The following IL1RAPL1 variants were observed in gnomAD, a reference collection of about 807,000 sequenced individuals.
IL1RAPL1 encodes the protein interleukin-1 receptor accessory protein-like 1.
In IL1RAPL1, 3 loss-of-function variants were observed where a neutral mutation model predicts 48.4. That is an observed-to-expected ratio of 0.06 (90% confidence interval 0.03 to 0.16). IL1RAPL1 has a LOEUF of 0.16. Among genes scored for constraint, IL1RAPL1 ranks in the 10% least tolerant of loss-of-function variants. IL1RAPL1 has a pLI of 1.00. For missense variants in IL1RAPL1, 349 were observed against 530.6 expected (o/e 0.66, Z 3.36); for synonymous variants, 185 against 187.7 (o/e 0.99, Z 0.12).
intron 2 of IL1RAPL1, among the ~76,000 whole-genome samples, chrX:29,174,661 G>A (rs1036836171): frequency 8.4e-5 from 7 of 83,018 alleles, no homozygotes; most frequent in African/African-American, 2.7e-4. Flanking sequence ...TGCTATTCCA[G>A]TAAAGTACAG....
chrX:29,910,257 C>T (rs1055016825), intron 6 of IL1RAPL1, among the ~76,000 whole-genome samples: 3 of 110,241 alleles, frequency 2.7e-5, no homozygotes, highest in African/African-American at 9.9e-5. Flanking sequence ...AGGCTGAGAA[C>T]GGAAAAACTA....
At chrX:29,373,898 C>T (rs865800277) in intron 3 of IL1RAPL1, among the ~76,000 whole-genome samples, 4 of 9,932 alleles carry the variant, frequency 4.0e-4, no homozygotes, top group Admixed American at 1.2e-3. Flanking sequence ...TTTTTTGTGA[C>T]GAGGTCTCTT....
In IL1RAPL1 at chrX:29,919,439, T is replaced by A. The variant is rs149036577; in HGVS notation, c.912-510T>A. Among the ~76,000 whole-genome samples the A allele has an allele frequency of 3.4e-4, 38 of 112,400 alleles. No individual in the cohort carries two copies. In the East Asian group the frequency reaches 0.01, roughly 30 times the overall value. On this transcript the variant is annotated intron_variant, in intron 7 of 10. Coordinates refer to ENST00000378993, the MANE Select transcript of IL1RAPL1 (RefSeq NM_014271.4). ...TTAAATACTTCACCAGAACTTTTAGTCTACAGGTTTATAGTTTCACGTTCC... is the reference window on the plus strand; with the variant it reads ...TTAAATACTTCACCAGAACTTTTAGACTACAGGTTTATAGTTTCACGTTCC...
intron 9 of IL1RAPL1, among the ~76,000 whole-genome samples, chrX:29,953,368 A>T (rs1013172775): frequency 8.9e-6 from 1 of 112,153 alleles, no homozygotes; most frequent in Non-Finnish European, 1.9e-5. Flanking sequence ...CCGGAAGATA[A>T]ATGATTTCTT....
intron 2 of IL1RAPL1, among the ~76,000 whole-genome samples, chrX:29,070,006 T>G (rs1466632013): frequency 8.9e-6 from 1 of 111,841 alleles, no homozygotes; most frequent in Non-Finnish European, 1.9e-5. Flanking sequence ...CTCTTATAAT[T>G]CAGGAATTAG....
chrX:29,385,027 TA>T (rs397966065), intron 3 of IL1RAPL1, among the ~76,000 whole-genome samples: 1 of 111,954 alleles, frequency 8.9e-6, no homozygotes, highest in Non-Finnish European at 1.9e-5. Context: ...TAATTTTTTT[TA>T]ACTGTGGTAA....
chrX:29,820,534 A>G (rs1286604947), intron 6 of IL1RAPL1, among the ~76,000 whole-genome samples: 1 of 111,684 alleles, frequency 9.0e-6, no homozygotes, highest in Admixed American at 9.6e-5. Context: ...GTTTTCTCCT[A>G]TGTCCTAATA....
At chrX:29,139,018 A>T (rs773312694) in intron 2 of IL1RAPL1, among the ~76,000 whole-genome samples, 1 of 111,679 alleles carries the variant, frequency 9.0e-6, no homozygotes, top group Admixed American at 9.6e-5. Flanking sequence ...CAGTCTCATG[A>T]CAGTGTAAAG....
At position 28,781,286 on chromosome X, in the gene IL1RAPL1, T is replaced by G. The variant is rs752555015; in HGVS notation, c.-24-8034T>G. Among the ~76,000 whole-genome samples the G allele has an allele frequency of 2.6e-4, 27 of 104,451 alleles. No homozygotes were observed. The East Asian group carries it at 3.3e-3, about 13-fold the overall frequency. The allele number at this position is 104,451 out of a possible 115,157, so 90.7% of individuals were successfully genotyped here. A position where few individuals can be genotyped will look rare whatever the true frequency, so the allele number is the denominator to read the frequency against. ...TTATGGTTTTTTGCAAACTTGAGGG[T>G]TTTTTTTTTATTTATTTTTATTTTT... On this transcript the variant is annotated intron_variant, in intron 1 of 10. Transcript: ENST00000378993.
chrX:29,940,849 AG>A (rs1230564298), intron 8 of IL1RAPL1, among the ~76,000 whole-genome samples: 1 of 112,076 alleles, frequency 8.9e-6, no homozygotes, highest in African/African-American at 3.2e-5. Flanking sequence ...GCCTGGTAAA[AG>A]GGGAAGCAAA....
At chrX:29,332,697 G>A (rs1178767676) in intron 3 of IL1RAPL1, among the ~76,000 whole-genome samples, 5 of 106,418 alleles carry the variant, frequency 4.7e-5, no homozygotes, top group Non-Finnish European at 9.7e-5. Flanking sequence ...TCTCGCAGAG[G>A]GGGATTTGGC....
chrX:28,934,247 C>A (rs1923959962), intron 2 of IL1RAPL1, among the ~76,000 whole-genome samples: 1 of 111,353 alleles, frequency 9.0e-6, no homozygotes, highest in Admixed American at 9.6e-5. Flanking sequence ...TTGAAAAATT[C>A]ATCACCAAGT....
chrX:29,166,906 C>T (rs1467624822), intron 2 of IL1RAPL1, among the ~76,000 whole-genome samples: 1 of 111,912 alleles, frequency 8.9e-6, no homozygotes, highest in African/African-American at 3.2e-5. Flanking sequence ...CCTTTTCATG[C>T]GTGAATTTCC....
intron 3 of IL1RAPL1, among the ~76,000 whole-genome samples, chrX:29,294,556 A>T (rs1372925805): frequency 9.1e-6 from 1 of 110,225 alleles, no homozygotes; most frequent in Non-Finnish European, 1.9e-5. Flanking sequence ...AAAATTTTAG[A>T]TTTTTCAAGC....
intron 2 of IL1RAPL1, among the ~76,000 whole-genome samples, chrX:28,842,153 T>C (rs1420940734): frequency 9.0e-6 from 1 of 110,648 alleles, no homozygotes; most frequent in African/African-American, 3.3e-5. Context: ...ATTTGGAACC[T>C]AAAATGTTTA....
chrX:29,950,452 T>C (rs1276482465), intron 9 of IL1RAPL1, among the ~76,000 whole-genome samples: 1 of 111,642 alleles, frequency 9.0e-6, no homozygotes, highest in African/African-American at 3.3e-5. Context: ...GACCTCTGCA[T>C]GCCTATATCC....
At chrX:29,816,996 A>C (rs964598560) in intron 6 of IL1RAPL1, among the ~76,000 whole-genome samples, 5 of 109,449 alleles carry the variant, frequency 4.6e-5, no homozygotes, top group African/African-American at 1.3e-4. Flanking sequence ...ATATATATAT[A>C]TCTCCTCTGC....
chrX:28,733,148 A>G (rs1248489246), intron 1 of IL1RAPL1, among the ~76,000 whole-genome samples: 1 of 109,844 alleles, frequency 9.1e-6, no homozygotes, highest in Non-Finnish European at 1.9e-5. Context: ...ATATATATAT[A>G]TACATACTTA....
At chrX:29,587,379 G>A (rs182336224) in intron 5 of IL1RAPL1, among the ~76,000 whole-genome samples, 8 of 107,870 alleles carry the variant, frequency 7.4e-5, no homozygotes, top group African/African-American at 2.4e-4. Flanking sequence ...GGTTGTGGGC[G>A]GGGGGTTGGG....
Sources: gnomAD v4.1 joint callset for allele counts (sites outside exome capture counted in the v4.1 genomes callset) on GRCh38, gnomAD v4.1.1 for gene constraint, MANE v1.5 for transcripts, NCBI Gene and HGNC (gene_info 2026-07-23, HGNC 2026-07-21) for gene names.